The following MYO3A variants were observed in gnomAD, a reference collection of about 807,000 sequenced individuals.
The protein encoded by MYO3A is myosin IIIA.
A neutral mutation model predicts 192.7 loss-of-function variants in MYO3A; 180 were observed. The observed-to-expected ratio is 0.93, with a 90% CI of 0.83 to 1.06. The LOEUF is 1.06. MYO3A is among the 50% of genes least tolerant of loss of function. The probability of loss-of-function intolerance (pLI) is 0.00; values close to 1 mark genes in which losing one functional copy is unlikely to be tolerated. For synonymous variants in MYO3A, 628 were observed against 645.3 expected, an observed-to-expected ratio of 0.97 and a Z score of 0.41; for missense variants, 1,896 against 1,905.0, an observed-to-expected ratio of 1.00 and a Z score of 0.09.
intron 4 of MYO3A, among the ~76,000 whole-genome samples, chr10:25,983,313 T>C (rs557877661): frequency 6.6e-6 from 1 of 151,942 alleles, no homozygotes; most frequent in African/African-American, 2.4e-5. Context: ...TGGAGTGCAG[T>C]GGTGCGATCT....
At chr10:26,145,198 A>C (rs1840388821) in intron 21 of MYO3A, among the ~76,000 whole-genome samples, 4 of 145,708 alleles carry the variant, frequency 2.7e-5, no homozygotes. Context: ...AAAAAAAAAA[A>C]CCCTCAAGGT....
At chr10:26,130,581 A>G (rs529097874) in intron 20 of MYO3A, among the ~76,000 whole-genome samples, 1 of 152,374 alleles carries the variant, frequency 6.6e-6, no homozygotes, top group East Asian at 1.9e-4. Flanking sequence ...TAAAACATTC[A>G]ACTAGAATCC....
At chr10:26,026,963 G>C (rs1238313608) in intron 10 of MYO3A, among the ~76,000 whole-genome samples, 1 of 152,200 alleles carries the variant, frequency 6.6e-6, no homozygotes, top group Non-Finnish European at 1.5e-5. Flanking sequence ...GCTTCCCAAA[G>C]TGCTGGCATT....
chr10:26,082,223 G>A (rs1256182920), intron 14 of MYO3A, among the ~76,000 whole-genome samples: 1 of 152,094 alleles, frequency 6.6e-6, no homozygotes, highest in Non-Finnish European at 1.5e-5. Context: ...CGATCCCTGA[G>A]ATAAATTTTC....
At chr10:26,110,530 G>T (rs781101410) in intron 17 of MYO3A, among the ~76,000 whole-genome samples, 1 of 152,142 alleles carries the variant, frequency 6.6e-6, no homozygotes, top group Non-Finnish European at 1.5e-5. Context: ...AGCAAAGGTT[G>T]TCAGGATGTC....
intron 10 of MYO3A, among the ~76,000 whole-genome samples, chr10:26,038,692 T>C (rs542078930): frequency 2.0e-5 from 3 of 152,344 alleles, no homozygotes; most frequent in South Asian, 2.1e-4. Context: ...TTCTCTTGTC[T>C]GATGGCCCTA....
intron 2 of MYO3A, among the ~76,000 whole-genome samples, chr10:25,937,481 C>T (rs772815466): frequency 6.6e-6 from 1 of 152,166 alleles, no homozygotes; most frequent in African/African-American, 2.4e-5. Context: ...TCATAAAACT[C>T]AGGTGATGCT....
At chr10:26,062,514 T>TCAAAAAAAAAAAAAAAAAAAAA (rs1834552482) in intron 10 of MYO3A, among the ~76,000 whole-genome samples, 1 of 31,824 alleles carries the variant, frequency 3.1e-5, no homozygotes, top group Non-Finnish European at 8.8e-5. Flanking sequence ...AGATGCCATC[T>TCAAAAAAAAAAAAAAAAAAAAA]CAAAAAAAAA....
chr10:26,090,335 A>G (rs901977644), intron 15 of MYO3A, among the ~76,000 whole-genome samples: 1 of 152,208 alleles, frequency 6.6e-6, no homozygotes, highest in Non-Finnish European at 1.5e-5. Flanking sequence ...GTAACCATAG[A>G]AATAATATCA....
rs552333786 is a variant in MYO3A, at chr10:26,096,665, A to G, written c.1759A>G (p.Ile587Val). Reference sequence around the variant, plus strand: ...ATTAATTGAGCAATGTTTCAAAGTCATAGGTTTTACAATGGAGGTAAGTAT... The same window carrying G: ...ATTAATTGAGCAATGTTTCAAAGTCGTAGGTTTTACAATGGAGGTAAGTAT... ...YELIEQCFKV[I>V]GFTMEQLGSI... The change falls in exon 17 of 35, where the codon ATA becomes GTA. Residue 587 changes from isoleucine (I) to valine (V), a missense_variant. Coordinates refer to ENST00000642920, the MANE Select transcript of MYO3A (RefSeq NM_017433.5). The G allele has an allele frequency of 4.4e-6, 7 of 1,580,790 alleles. No homozygotes were observed. In the South Asian group the frequency reaches 5.5e-5, roughly 12 times the overall value.
intron 8 of MYO3A, 106 bp from the exon 9 acceptor site, chr10:26,023,916 T>C: frequency 1.0e-6 from 1 of 985,390 alleles, no homozygotes; most frequent in Non-Finnish European, 1.6e-6. Context: ...GAATCCTTGA[T>C]TACAACTGGC....
At chr10:26,153,770 T>C (rs1840937067) in intron 23 of MYO3A, 80 bp from the exon 24 acceptor site, 2 of 941,250 alleles carry the variant, frequency 2.1e-6, no homozygotes, top group East Asian at 5.0e-5. Flanking sequence ...ATGCTTATTT[T>C]AACATTTAAG....
chr10:26,022,813 G>T (rs1278470195), intron 8 of MYO3A: 1 of 152,154 alleles, frequency 6.6e-6, no homozygotes, highest in African/African-American at 2.4e-5. Context: ...ATGAAGGAAG[G>T]ATGACACTGT....
intron 31 of MYO3A, 52 bp downstream of exon 31, chr10:26,176,897 C>T: frequency 6.3e-7 from 1 of 1,588,128 alleles, no homozygotes; most frequent in Non-Finnish European, 8.6e-7. Context: ...ATGCCAGATA[C>T]TTTGTTTATT....
intron 30 of MYO3A, among the ~76,000 whole-genome samples, chr10:26,175,939 A>G (rs866577983): frequency 2.6e-5 from 4 of 152,110 alleles, no homozygotes; most frequent in African/African-American, 9.7e-5. Flanking sequence ...CGGACACGAT[A>G]GAGGCGGGGG....
intron 6 of MYO3A, among the ~76,000 whole-genome samples, chr10:26,009,643 C>T (rs756280748): frequency 6.6e-6 from 1 of 152,156 alleles, no homozygotes; most frequent in Admixed American, 6.5e-5. Context: ...CTTGTCTGAC[C>T]TCAACACAGC....
chr10:25,998,029 C>T (rs1156766575), intron 6 of MYO3A, among the ~76,000 whole-genome samples: 1 of 152,142 alleles, frequency 6.6e-6, no homozygotes, highest in Non-Finnish European at 1.5e-5. Flanking sequence ...AGGTATCCCT[C>T]CTTGTGTTTC....
At chr10:26,081,136 C>CCCCCA (rs1564529029) in intron 14 of MYO3A, among the ~76,000 whole-genome samples, 8 of 106,710 alleles carry the variant, frequency 7.5e-5, no homozygotes, top group South Asian at 3.3e-4. Context: ...ATGCCCTTCC[C>CCCCCA]CCCCCCCCCG....
chr10:26,188,746 C>A (rs1478485878), intron 31 of MYO3A, among the ~76,000 whole-genome samples: 1 of 152,194 alleles, frequency 6.6e-6, no homozygotes, highest in African/African-American at 2.4e-5. Context: ...AATAGGGAAT[C>A]ATTTCCCCCA....
Sources: gnomAD v4.1 joint callset for allele counts (sites outside exome capture counted in the v4.1 genomes callset) on GRCh38, gnomAD v4.1.1 for gene constraint, MANE v1.5 for transcripts, NCBI Gene and HGNC (gene_info 2026-07-23, HGNC 2026-07-21) for gene names.